The following POLR3F variants were observed in gnomAD, a reference collection of about 807,000 sequenced individuals.
POLR3F encodes the protein RNA polymerase III subunit F.
In POLR3F, 31 loss-of-function variants were observed where a neutral mutation model predicts 43.6. The observed-to-expected ratio is 0.71, with a 90% CI of 0.53 to 0.96. The LOEUF (loss-of-function observed/expected upper bound fraction) is 0.96. Among genes scored for constraint, POLR3F ranks in the 40% least tolerant of loss-of-function variants. POLR3F has a pLI of 0.00. For missense variants in POLR3F, 316 were observed against 391.7 expected, an observed-to-expected ratio of 0.81 and a Z score of 1.63; for synonymous variants, 114 against 132.5, an observed-to-expected ratio of 0.86 and a Z score of 0.96.
Position 18,481,788 on chromosome 20 carries a change from G to A in POLR3F, c.851G>A (p.Arg284Gln), listed in dbSNP as rs774153217. ...ATCATCCCTCCCACAGGTTTGGTCC[G>A]GGCACCCTGTGGACTCTGCCCGGTG... ...NPIIPPTGLVRAPCGLCPVFD... is the reference protein window; with the variant it reads ...NPIIPPTGLVQAPCGLCPVFD... The change falls in exon 8 of 9, where the codon CGG (arginine) becomes CAG (glutamine). Residue 284 changes from arginine to glutamine, a missense_variant. By Grantham distance (43) the Arg-to-Gln change is conservative (BLOSUM62 1). Coordinates refer to ENST00000377603, the MANE Select transcript of POLR3F (RefSeq NM_006466.4). 89 of 1,613,008 alleles carry A rather than the reference G, an allele frequency of 5.5e-5. No individual in the cohort carries two copies. In the Middle Eastern group the frequency reaches 8.2e-4, roughly 15 times the overall value.
In POLR3F at chr20:18,483,697, ATTTT is replaced by A. The variant is rs75195416; in HGVS notation, c.*144_*147del. The A allele has an allele frequency of 7.0e-6, 3 of 430,658 alleles. No individual in the cohort carries two copies. Among genetic ancestry groups the A allele is most frequent in the Non-Finnish European group, 1.2e-5 (3 of 245,040 alleles). The allele number at this position is 430,658 out of a possible 1,614,324, so 26.7% of individuals were successfully genotyped here. A position where few individuals can be genotyped will look rare whatever the true frequency, so the allele number is the denominator to read the frequency against. On this transcript the variant is annotated 3_prime_UTR_variant, in exon 9 of 9. Transcript: ENST00000377603. ...CGTAGACTTGCTGCTATGAAAACAT[ATTTT>A]TTTTATTTATGAAGACTAAATTTAT...
chr20:18,473,408 A>G lies in POLR3F; in HGVS notation c.266A>G (p.Asp89Gly), dbSNP rs1294682045. The change falls in exon 4 of 9, where the codon GAT becomes GGT. Residue 89 changes from aspartate (D) to glycine (G), a missense_variant. Asp to Gly is a moderately conservative substitution (Grantham distance 94). Transcript: ENST00000377603. ...SQNAGKMKGS[D>G]NQEKLVYQII... ...CACTACAGTAAAATGAAGGGATCCG[A>G]TAACCAAGAAAAACTAGTATATCAA... is the stretch of plus-strand genomic sequence containing the variant. The G allele has an allele frequency of 1.4e-6, 2 of 1,426,374 alleles. No homozygotes were observed. Among genetic ancestry groups the G allele is most frequent in the Admixed American group, 1.7e-5 (1 of 59,644 alleles). 88.4% of individuals were successfully genotyped at this position (1,426,374 alleles called of 1,614,324 possible).
Position 18,480,507 on chromosome 20 carries a change from A to T in POLR3F, c.679A>T (p.Lys227Ter). 1 of 1,514,932 alleles carries T rather than the reference A, an allele frequency of 6.6e-7. No individual in the cohort carries two copies. Among genetic ancestry groups the T allele is most frequent in the Non-Finnish European group, 9.2e-7 (1 of 1,089,740 alleles). The allele number at this position is 1,514,932 out of a possible 1,614,324, so 93.8% of individuals were successfully genotyped here. ...WKYICELGISKVELSMEDIET... is the reference protein window; with the variant it reads ...WKYICELGIS Reference sequence around the variant, plus strand: ...ATATATCTGCGAATTGGGAATCAGTAAGGTCAGAACTGAATTTCATCTTAT... The same window carrying T: ...ATATATCTGCGAATTGGGAATCAGTTAGGTCAGAACTGAATTTCATCTTAT... Residue 227 changes from lysine (K) to a stop codon, truncating the protein, a stop_gained and splice_region_variant, in exon 7 of 9, where the codon AAG becomes TAG. Coordinates refer to ENST00000377603, the MANE Select transcript of POLR3F (RefSeq NM_006466.4). LOFTEE classifies it high-confidence loss of function.
At chr20:18,469,834 T>A (rs541499632) in intron 2 of POLR3F, among the ~76,000 whole-genome samples, 28 of 152,362 alleles carry the variant, frequency 1.8e-4, no homozygotes, top group Admixed American at 1.4e-3. Flanking sequence ...CTGCTGGTGT[T>A]GGGCCATTTC....
intron 5 of POLR3F, among the ~76,000 whole-genome samples, chr20:18,475,561 C>T (rs150601262): frequency 4.2e-4 from 64 of 152,268 alleles, no homozygotes; most frequent in African/African-American, 1.4e-3. Context: ...ATGAACAAGT[C>T]GTAGAAAGAT....
At chr20:18,479,882 T>C (rs2059800845) in intron 5 of POLR3F, among the ~76,000 whole-genome samples, 156 bp from the exon 6 acceptor site, 1 of 152,202 alleles carries the variant, frequency 6.6e-6, no homozygotes, top group Non-Finnish European at 1.5e-5. Flanking sequence ...TAATCCAAGA[T>C]GTTAAAAATA....
rs2059773639 is a variant in POLR3F at position 18,475,204 on chromosome 20, T to C, written c.429+17T>C. 1.0e-5 allele frequency: 9 copies of C among 892,386 alleles called. No homozygotes were observed. Among genetic ancestry groups the C allele is most frequent in the Admixed American group, 2.0e-5 (1 of 50,982 alleles). The allele number at this position is 892,386 out of a possible 1,614,324, so 55.3% of individuals were successfully genotyped here. A position where few individuals can be genotyped will look rare whatever the true frequency, so the allele number is the denominator to read the frequency against. On this transcript the variant is annotated intron_variant, in intron 5 of 8. Coordinates refer to ENST00000377603, the MANE Select transcript of POLR3F (RefSeq NM_006466.4). ...TCTGTAGCAGTGAGTAGTCCTTTCC[T>C]CAGATACCCACTTACATATGTTGCT...
Position 18,467,551 on chromosome 20 carries a change from G to T in POLR3F, c.45G>T (p.Pro15=). Residue 15 remains proline (P), a synonymous_variant, in exon 1 of 9, where the codon CCG becomes CCT. Coordinates refer to ENST00000377603, the MANE Select transcript of POLR3F (RefSeq NM_006466.4). ...AGGTGCAGCCGCCTGACGCGGATCC[G>T]GTCGAAATAGAAAACAGGTAAACCA... ...KVKVQPPDAD[P]VEIENRIIEL... 1 of 1,614,270 alleles carries T rather than the reference G, an allele frequency of 6.2e-7. No homozygotes were observed. Among genetic ancestry groups the T allele is most frequent in the Non-Finnish European group, 8.5e-7 (1 of 1,180,050 alleles).
At chr20:18,479,189 C>G (rs2059796107) in intron 5 of POLR3F, among the ~76,000 whole-genome samples, 1 of 150,892 alleles carries the variant, frequency 6.6e-6, no homozygotes, top group Non-Finnish European at 1.5e-5. Context: ...TCTTGTAGTG[C>G]TAGAAAGTAA....
At chr20:18,473,041 T>G in intron 3 of POLR3F, 132 bp downstream of exon 3, 1 of 453,048 alleles carries the variant, frequency 2.2e-6, no homozygotes, top group East Asian at 3.4e-5. Context: ...ATATTCCATT[T>G]CCCAGAGGTA....
intron 1 of POLR3F, 128 bp downstream of exon 1, chr20:18,467,696 C>G (rs1487227611): frequency 6.5e-7 from 1 of 1,527,934 alleles, no homozygotes; most frequent in African/African-American, 1.4e-5. Flanking sequence ...AAAACGATTG[C>G]GGGGTTCTGG....
At chr20:18,472,407 C>T (rs930730609) in intron 2 of POLR3F, among the ~76,000 whole-genome samples, 4 of 152,112 alleles carry the variant, frequency 2.6e-5, no homozygotes, top group Non-Finnish European at 5.9e-5. Flanking sequence ...TGGTCTCAAA[C>T]TCTTGACCTC....
intron 5 of POLR3F, among the ~76,000 whole-genome samples, 163 bp downstream of exon 5, chr20:18,475,350 G>C (rs141776233): frequency 2.1e-4 from 32 of 152,290 alleles, no homozygotes; most frequent in African/African-American, 5.8e-4. Flanking sequence ...TACACAGTTA[G>C]CTCTTGGTGT....
Position 18,467,490 on chromosome 20 carries a change from T to G in POLR3F, c.-17T>G. 6.2e-7 allele frequency: 1 copy of G among 1,614,076 alleles called. No homozygotes were observed. Among genetic ancestry groups the G allele is most frequent in the Non-Finnish European group, 8.5e-7 (1 of 1,179,928 alleles). On this transcript the variant is annotated 5_prime_UTR_variant, in exon 1 of 9. Coordinates refer to ENST00000377603, the MANE Select transcript of POLR3F (RefSeq NM_006466.4). ...CTCCGTGCATCTTTCCCCCCAGGCG[T>G]CAGGAACTGCGCCCTCATGGCGGAG...
Position 18,476,255 on chromosome 20 carries a change from A to C in POLR3F, c.429+1068A>C, listed in dbSNP as rs574310467. On this transcript the variant is annotated intron_variant, in intron 5 of 8. Transcript: ENST00000377603. ...ATGTGGCCACTAGTATTTGTTTCCC[A>C]GCCTCTCTTTCCATAGGCCCTAAAA... Among the ~76,000 whole-genome samples the C allele has an allele frequency of 3.0e-4, 46 of 152,270 alleles. 2 individuals are homozygous for C. In the Middle Eastern group the frequency reaches 0.01, roughly 34 times the overall value.
At chr20:18,481,493 C>T (rs376193006) in intron 7 of POLR3F, 126 bp from the exon 8 acceptor site, 2 of 662,728 alleles carry the variant, frequency 3.0e-6, no homozygotes, top group South Asian at 1.8e-5. Context: ...CCTGCCTCGG[C>T]TTCCCAAAGT....
Position 18,483,859 on chromosome 20 carries a change from C to T in POLR3F, c.*301C>T. 2.5e-6 allele frequency: 1 copy of T among 392,502 alleles called. No homozygotes were observed. The highest frequency in any genetic ancestry group is 4.5e-6 in the Non-Finnish European group (1 of 223,390). The allele number at this position is 392,502 out of a possible 1,614,324, so 24.3% of individuals were successfully genotyped here. On this transcript the variant is annotated 3_prime_UTR_variant, in exon 9 of 9. Transcript: ENST00000377603. ...TTCTGATGGGTCAAGGAAAAAGATG[C>T]CAACATACCCGTATTTACCAAGTAC...
chr20:18,467,615 A>AT (rs1487784228), intron 1 of POLR3F, 47 bp downstream of exon 1: 2 of 1,613,672 alleles, frequency 1.2e-6, no homozygotes, highest in Non-Finnish European at 1.7e-6. Flanking sequence ...GCGCCCAGTC[A>AT]TTTGGGCAGC....
At chr20:18,479,992 A>T (rs773989430) in intron 5 of POLR3F, 46 bp from the exon 6 acceptor site, 1 of 1,484,514 alleles carries the variant, frequency 6.7e-7, no homozygotes, top group East Asian at 2.3e-5. Context: ...TTGTTTTTGG[A>T]AATTGTTATC....
Sources: gnomAD v4.1 joint callset for allele counts (sites outside exome capture counted in the v4.1 genomes callset) on GRCh38, gnomAD v4.1.1 for gene constraint, MANE v1.5 for transcripts, NCBI Gene and HGNC (gene_info 2026-07-23, HGNC 2026-07-21) for gene names.